WDR7: variants seen among roughly 807,000 people sequenced by gnomAD.
WDR7 encodes the protein WD repeat domain 7, also known as WD repeat-containing protein 7.
A neutral mutation model predicts 169.4 loss-of-function variants in WDR7; 46 were observed. The ratio of observed to expected loss-of-function variants is 0.27; its 90% CI spans 0.21 to 0.35. The LOEUF (loss-of-function observed/expected upper bound fraction) is 0.35. Ranked by LOEUF, WDR7 falls within the 10% of genes least tolerant of loss-of-function variation. The pLI, the probability that WDR7 is intolerant of heterozygous loss-of-function variation, is 1.00. For synonymous variants in WDR7, 612 were observed against 666.8 expected (o/e 0.92, Z 1.27); for missense variants, 1,534 against 1,859.3 (o/e 0.83, Z 3.22).
In WDR7 at chr18:56,671,345, A is replaced by G. The variant is rs1047652158; in HGVS notation, c.-19-1152A>G. 6.7e-5 allele frequency among the ~76,000 whole-genome samples: 10 copies of G among 148,366 alleles called. No individual in the cohort carries two copies. The East Asian group carries it at 1.2e-3, about 18-fold the overall frequency. On this transcript the variant is annotated intron_variant, in intron 1 of 27. Coordinates refer to ENST00000254442, the MANE Select transcript of WDR7 (RefSeq NM_015285.3). Reference sequence around the variant, plus strand: ...TTCCTGTTGCTCAGGCTGGAGTGCAATGGTGCGATCTTGGCTCACTGCAAC... The same window carrying G: ...TTCCTGTTGCTCAGGCTGGAGTGCAGTGGTGCGATCTTGGCTCACTGCAAC...
intron 1 of WDR7, among the ~76,000 whole-genome samples, chr18:56,671,631 G>A (rs1011334640): frequency 4.6e-5 from 7 of 152,164 alleles, no homozygotes; most frequent in African/African-American, 9.7e-5. Context: ...TTTCTTGGGC[G>A]TTGGTATTTA....
At chr18:56,756,561 C>G (rs1240992335) in intron 14 of WDR7, 22 bp from the exon 15 acceptor site, 5 of 1,519,866 alleles carry the variant, frequency 3.3e-6, no homozygotes, top group Non-Finnish European at 4.4e-6. Flanking sequence ...TTATAACTAT[C>G]TTTTAAAAAT....
intron 1 of WDR7, among the ~76,000 whole-genome samples, chr18:56,666,602 G>C (rs2025030374): frequency 6.6e-6 from 1 of 152,158 alleles, no homozygotes; most frequent in Non-Finnish European, 1.5e-5. Flanking sequence ...AAACACTGCA[G>C]TTCCATTTAT....
At chr18:56,708,188 C>T (rs989327100) in intron 12 of WDR7, among the ~76,000 whole-genome samples, 7 of 151,960 alleles carry the variant, frequency 4.6e-5, no homozygotes, top group Non-Finnish European at 1.0e-4. Context: ...GGCTCGCCAA[C>T]ACACTCAGTA....
rs562172460 is a variant in WDR7 at position 56,996,890 on chromosome 18, T to C, written c.4165-23855T>C. On this transcript the variant is annotated intron_variant, in intron 26 of 27. Coordinates refer to ENST00000254442, the MANE Select transcript of WDR7 (RefSeq NM_015285.3). ...CTTATTTTTAAATGCTTTGCTAATG[T>C]TTCACTTGAGTAGAAAAACGCACAT... is the stretch of plus-strand genomic sequence containing the variant. 6.6e-5 allele frequency among the ~76,000 whole-genome samples: 10 copies of C among 152,326 alleles called. No individual in the cohort carries two copies. In the East Asian group the frequency reaches 1.9e-3, roughly 29 times the overall value.
chr18:56,819,157 G>A (rs1216960139), intron 20 of WDR7, among the ~76,000 whole-genome samples: 1 of 152,166 alleles, frequency 6.6e-6, no homozygotes, highest in Non-Finnish European at 1.5e-5. Context: ...TATGACAGTT[G>A]AATCTGAGCC....
At chr18:56,796,226 ATCT>A (rs2044583905) in intron 19 of WDR7, among the ~76,000 whole-genome samples, 1 of 152,176 alleles carries the variant, frequency 6.6e-6, no homozygotes, top group South Asian at 2.1e-4. Context: ...GGGATGCCTC[ATCT>A]TCAGGCAACT....
intron 26 of WDR7, among the ~76,000 whole-genome samples, chr18:56,964,331 AT>A (rs1355903603): frequency 2.0e-5 from 3 of 151,940 alleles, no homozygotes; most frequent in Non-Finnish European, 4.4e-5. Context: ...TTCATATGCC[AT>A]TTTATGTATA....
At chr18:56,805,221 A>G (rs2044751759) in intron 19 of WDR7, among the ~76,000 whole-genome samples, 1 of 152,152 alleles carries the variant, frequency 6.6e-6, no homozygotes, top group Admixed American at 6.5e-5. Context: ...TTACCCATCC[A>G]CACCTCCTTA....
chr18:56,654,087 A>G (rs953994035), intron 1 of WDR7, among the ~76,000 whole-genome samples: 2 of 152,210 alleles, frequency 1.3e-5, no homozygotes, highest in Admixed American at 1.3e-4. Flanking sequence ...CTCATTTTAA[A>G]TTACATTTCA....
At chr18:56,717,920 C>T in intron 12 of WDR7, 44 bp from the exon 13 acceptor site, 1 of 1,485,620 alleles carries the variant, frequency 6.7e-7, no homozygotes, top group Non-Finnish European at 9.0e-7. Flanking sequence ...CCATTTTATT[C>T]TAAATTTAAT....
chr18:56,732,083 A>G (rs780100302), intron 14 of WDR7, among the ~76,000 whole-genome samples: 4 of 152,248 alleles, frequency 2.6e-5, no homozygotes, highest in Non-Finnish European at 5.9e-5. Context: ...TTGCAGAAGT[A>G]CTGAAATTTT....
chr18:56,981,097 G>A (rs1027000426), intron 26 of WDR7, among the ~76,000 whole-genome samples: 3 of 152,136 alleles, frequency 2.0e-5, no homozygotes, highest in Admixed American at 1.3e-4. Flanking sequence ...AGCCTTGACC[G>A]TTATGAAGAC....
intron 26 of WDR7, among the ~76,000 whole-genome samples, chr18:57,017,600 TCAA>T (rs2048226652): frequency 6.6e-6 from 1 of 151,526 alleles, no homozygotes; most frequent in Admixed American, 6.6e-5. Context: ...TGACAGGACT[TCAA>T]CAACAACAAA....
chr18:56,852,511 C>G (rs1380181362), intron 20 of WDR7, among the ~76,000 whole-genome samples: 1 of 152,098 alleles, frequency 6.6e-6, no homozygotes, highest in East Asian at 1.9e-4. Context: ...CAGAGTACAT[C>G]CTTTCTAGTA....
In WDR7 at chr18:56,691,780, C is replaced by T. The variant is rs888418818; in HGVS notation, c.929C>T (p.Pro310Leu). Residue 310 changes from proline (P) to leucine (L), a missense_variant, in exon 9 of 28, where the codon CCT becomes CTT. Physicochemically the swap from Pro to Leu is moderately conservative, Grantham distance 98 (BLOSUM62 -3). Coordinates refer to ENST00000254442, the MANE Select transcript of WDR7 (RefSeq NM_015285.3). ...AAGGCAGTTGAAAATTTAATTCCTCCTGTACAACATATCCTCTTGGATCGA... is the reference window on the plus strand; with the variant it reads ...AAGGCAGTTGAAAATTTAATTCCTCTTGTACAACATATCCTCTTGGATCGA... ...VGKAVENLIP[P>L]VQHILLDRKD... 1.2e-6 allele frequency: 2 copies of T among 1,612,348 alleles called. No homozygotes were observed. The highest frequency in any genetic ancestry group is 1.7e-6 in the Non-Finnish European group (2 of 1,179,552).
intron 20 of WDR7, among the ~76,000 whole-genome samples, chr18:56,825,302 C>T (rs2045180275): frequency 6.6e-6 from 1 of 152,102 alleles, no homozygotes; most frequent in Non-Finnish European, 1.5e-5. Flanking sequence ...GGGGTTTGGG[C>T]AAATAAATAG....
At chr18:56,869,284 C>T in intron 20 of WDR7, among the ~76,000 whole-genome samples, 1 of 152,112 alleles carries the variant, frequency 6.6e-6, no homozygotes, top group South Asian at 2.1e-4. Flanking sequence ...CATGTGTATA[C>T]AAGAGGCATT....
At chr18:56,906,796 C>T (rs1428974370) in intron 21 of WDR7, among the ~76,000 whole-genome samples, 1 of 152,192 alleles carries the variant, frequency 6.6e-6, no homozygotes, top group Non-Finnish European at 1.5e-5. Flanking sequence ...CCCACCTTGG[C>T]CTCCCAAAGT....
Sources: gnomAD v4.1 joint callset for allele counts (sites outside exome capture counted in the v4.1 genomes callset) on GRCh38, gnomAD v4.1.1 for gene constraint, MANE v1.5 for transcripts, NCBI Gene and HGNC (gene_info 2026-07-23, HGNC 2026-07-21) for gene names.